The following MILR1 variants were observed in gnomAD, a reference collection of about 807,000 sequenced individuals.
MILR1 encodes the protein allergin-1.
In MILR1, 31 loss-of-function variants were observed where a neutral mutation model predicts 18.5. That is an observed-to-expected ratio of 1.68 (90% CI 1.26 to 2.26). The LOEUF (loss-of-function observed/expected upper bound fraction) is 2.26. Among genes scored for constraint, MILR1 ranks in the 30% most tolerant of loss-of-function variants. The pLI is 0.00. For synonymous variants in MILR1, 85 were observed against 56.2 expected, an observed-to-expected ratio of 1.51 and a Z score of -2.30; for missense variants, 257 against 157.4, an observed-to-expected ratio of 1.63 and a Z score of -3.38.
chr17:64,487,005 T>C, the MILR1 span: 1 of 152,216 alleles, frequency 6.6e-6, no homozygotes, highest in African/African-American at 2.4e-5. Context: ...TTTCTTTTTT[T>C]GTAAATCATT....
intron 6 of MILR1, 144 bp downstream of exon 6, chr17:64,465,685 G>T: frequency 1.3e-6 from 1 of 746,878 alleles, no homozygotes. Context: ...CACTTTCTAG[G>T]GGTAATAACC....
the MILR1 span, chr17:64,497,072 G>C: frequency 2.5e-6 from 3 of 1,200,056 alleles, no homozygotes; most frequent in Non-Finnish European, 3.6e-6. Context: ...CAGGCGCAAC[G>C]GAGGTGAGCG....
chr17:64,479,769 A>AT, the MILR1 span, among the ~76,000 whole-genome samples: 2 of 152,194 alleles, frequency 1.3e-5, no homozygotes, highest in Non-Finnish European at 2.9e-5. Flanking sequence ...AAGCAAGCTG[A>AT]CAGCATTTGA....
chr17:64,479,351 T>C, the MILR1 span, among the ~76,000 whole-genome samples: 2 of 151,876 alleles, frequency 1.3e-5, no homozygotes, highest in African/African-American at 4.8e-5. Context: ...GGCCAGGTAA[T>C]TTTTTGTATT....
chr17:64,493,801 A>G, the MILR1 span, among the ~76,000 whole-genome samples: 1 of 152,194 alleles, frequency 6.6e-6, no homozygotes, highest in Non-Finnish European at 1.5e-5. Flanking sequence ...TTTCAAATCT[A>G]TAAGAAAGTT....
At chr17:64,470,590 T>G (rs1171112110), downstream of MILR1, among the ~76,000 whole-genome samples, 1 of 152,170 alleles carries the variant, frequency 6.6e-6, no homozygotes, top group Admixed American at 6.5e-5. Context: ...TTTCTTATTC[T>G]CAAATGTCCA....
At chr17:64,495,326 T>C in the MILR1 span, among the ~76,000 whole-genome samples, 1 of 152,156 alleles carries the variant, frequency 6.6e-6, no homozygotes, top group Admixed American at 6.5e-5. Flanking sequence ...ACACCTGTAA[T>C]CCCAGCACTT....
At chr17:64,497,041 G>A in the MILR1 span, 1 of 1,459,056 alleles carries the variant, frequency 6.9e-7, no homozygotes, top group Non-Finnish European at 9.5e-7. Context: ...ACCGTTAACA[G>A]AATCCGGAGA....
At chr17:64,485,938 A>C in the MILR1 span, 14 of 1,473,554 alleles carry the variant, frequency 9.5e-6, no homozygotes, top group Non-Finnish European at 1.2e-5. Flanking sequence ...TTTGAGACGG[A>C]GTCTCACTCT....
At chr17:64,453,260 G>A (rs1216795036) in intron 3 of MILR1, among the ~76,000 whole-genome samples, 4 of 151,734 alleles carry the variant, frequency 2.6e-5, no homozygotes, top group Non-Finnish European at 5.9e-5. Flanking sequence ...CTTGAGACGA[G>A]GTTTCACCAT....
At chr17:64,455,831 G>A (rs1301643904) in intron 3 of MILR1, among the ~76,000 whole-genome samples, 1 of 151,838 alleles carries the variant, frequency 6.6e-6, no homozygotes, top group Non-Finnish European at 1.5e-5. Flanking sequence ...CTTGAGGTCA[G>A]TAGTTCAAGA....
chr17:64,496,684 GCACCC>G, the MILR1 span: 1 of 1,613,962 alleles, frequency 6.2e-7, no homozygotes, highest in Non-Finnish European at 8.5e-7. Flanking sequence ...AGCCGGGGTG[GCACCC>G]ACTCAGAAGA....
the MILR1 span, chr17:64,481,477 C>T: frequency 1.2e-6 from 1 of 868,332 alleles, no homozygotes; most frequent in Non-Finnish European, 1.4e-6. Flanking sequence ...TCCCCCATGG[C>T]CTTTCTTAAG....
At chr17:64,452,424 T>C (rs1173623983) in intron 2 of MILR1, among the ~76,000 whole-genome samples, 173 bp from the exon 3 acceptor site, 2 of 152,010 alleles carry the variant, frequency 1.3e-5, no homozygotes, top group African/African-American at 4.8e-5. Flanking sequence ...AGCTAATTTT[T>C]GTATTTTTAG....
At chr17:64,472,238 A>G (rs1224437267), downstream of MILR1, among the ~76,000 whole-genome samples, 7 of 151,944 alleles carry the variant, frequency 4.6e-5, no homozygotes, top group South Asian at 6.2e-4. Context: ...CCCATGGGGC[A>G]GGTGGATCAC....
intron 9 of MILR1, 110 bp from the exon 10 acceptor site, chr17:64,468,200 C>G (rs2037623123): frequency 2.2e-6 from 1 of 455,228 alleles, no homozygotes; most frequent in African/African-American, 2.0e-5. Context: ...CTTGCCTCTT[C>G]CAGCTTCTGG....
intron 9 of MILR1, 58 bp from the exon 10 acceptor site, chr17:64,468,252 C>G (rs2037624204): frequency 2.2e-6 from 1 of 455,710 alleles, no homozygotes; most frequent in Middle Eastern, 3.3e-4. Context: ...TCAACTTCTG[C>G]CTCTGTCTTC....
At chr17:64,479,828 T>C in the MILR1 span, among the ~76,000 whole-genome samples, 1 of 152,202 alleles carries the variant, frequency 6.6e-6, no homozygotes, top group African/African-American at 2.4e-5. Flanking sequence ...TTAAGGATGA[T>C]AGCCAGTTTC....
chr17:64,461,340 T>A (rs967841893), intron 5 of MILR1, among the ~76,000 whole-genome samples: 5 of 152,068 alleles, frequency 3.3e-5, no homozygotes, highest in Non-Finnish European at 7.4e-5. Flanking sequence ...TTCCGCCTCC[T>A]GGGTTCAAGC....
Sources: allele counts gnomAD v4.1 joint callset (sites outside exome capture counted in the v4.1 genomes callset), GRCh38; gene constraint gnomAD v4.1.1; transcripts MANE v1.5; gene names NCBI Gene and HGNC (gene_info 2026-07-23, HGNC 2026-07-21).